Variants in EHBP1 observed in about 807,000 individuals in gnomAD.
EHBP1 encodes EH domain binding protein 1, also known as EH domain-binding protein 1.
A neutral mutation model predicts 144.0 loss-of-function variants in EHBP1; 55 were observed. The ratio of observed to expected loss-of-function variants is 0.38; its 90% CI spans 0.31 to 0.48. The LOEUF is 0.48. EHBP1 is among the 20% of genes least tolerant of loss of function. The probability of loss-of-function intolerance (pLI) is 0.98; values close to 1 mark genes in which losing one functional copy is unlikely to be tolerated. For synonymous variants in EHBP1, 469 were observed against 472.7 expected (o/e 0.99, Z 0.10); for missense variants, 1,200 against 1,364.2 (o/e 0.88, Z 1.90).
rs975096895 is a variant in EHBP1, at chr2:62,955,653, T to C, written c.2453T>C (p.Leu818Pro). The C allele has an allele frequency of 2.5e-6, 4 of 1,610,094 alleles. No homozygotes were observed. The stretch of plus-strand genomic sequence containing the variant: ...GCCACCCCATTCTGCAACAGGCAGC[T>C]AAGTGATGTGAGGAGCATTGGTTAA... Reference protein sequence around the residue: ...NTATPFCNRQLSDQQDEERRR... With the variant: ...NTATPFCNRQPSDQQDEERRR... The change falls in exon 14 of 23, where the codon CTA becomes CCA. Residue 818 changes from leucine (L) to proline (P), a missense_variant. Leu to Pro is a moderately conservative substitution (Grantham distance 98). Around this residue, in one of 6 missense-constraint regions of EHBP1, gnomAD observed 543 missense variants for 513.1 expected, o/e 1.06. Coordinates refer to ENST00000431489, the MANE Select transcript of EHBP1 (RefSeq NM_001142616.3).
chr2:62,899,210 AG>A (rs1461944734), intron 10 of EHBP1, among the ~76,000 whole-genome samples: 2 of 152,170 alleles, frequency 1.3e-5, no homozygotes, highest in African/African-American at 4.8e-5. Context: ...CAGGAGCTGA[AG>A]GGGTCTTCCC....
intron 2 of EHBP1, among the ~76,000 whole-genome samples, chr2:62,737,338 C>G (rs146432952): frequency 6.6e-6 from 1 of 152,272 alleles, no homozygotes; most frequent in African/African-American, 2.4e-5. Flanking sequence ...AGGTAAAACT[C>G]CCAAAAATGT....
rs115666756 is a variant in EHBP1 at position 62,924,705 on chromosome 2, A to T, written c.1186-18013A>T. On this transcript the variant is annotated intron_variant, in intron 10 of 22. Transcript: ENST00000431489. ...AATAAGTAAAAAGATTGAATCAGTA[A>T]TATAAAGTATTCCAACAATGTAAAG... is the stretch of plus-strand genomic sequence containing the variant. Among the ~76,000 whole-genome samples the T allele has an allele frequency of 1.9e-3, 286 of 152,352 alleles. 2 individuals are homozygous for T. In the Middle Eastern group the frequency reaches 0.027, roughly 14 times the overall value.
chr2:62,989,309 A>G (rs567957838), intron 15 of EHBP1, among the ~76,000 whole-genome samples: 3 of 152,230 alleles, frequency 2.0e-5, no homozygotes, highest in South Asian at 2.1e-4. Context: ...GAGGACATCC[A>G]TAAGTACTGG....
At chr2:62,964,677 A>G (rs1574272754) in intron 14 of EHBP1, among the ~76,000 whole-genome samples, 1 of 152,144 alleles carries the variant, frequency 6.6e-6, no homozygotes, top group East Asian at 1.9e-4. Flanking sequence ...AACAGTATTA[A>G]TTGTTTTGTA....
chr2:62,729,564 T>A (rs2037281649), intron 2 of EHBP1, among the ~76,000 whole-genome samples: 1 of 122,028 alleles, frequency 8.2e-6, no homozygotes, highest in African/African-American at 3.2e-5. Flanking sequence ...ATATATAATA[T>A]AATATAATAA....
At chr2:62,797,800 T>C (rs980611065) in intron 5 of EHBP1, among the ~76,000 whole-genome samples, 2 of 152,216 alleles carry the variant, frequency 1.3e-5, no homozygotes, top group African/African-American at 4.8e-5. Flanking sequence ...ACTTACAGCA[T>C]GTTTAAACTT....
intron 5 of EHBP1, among the ~76,000 whole-genome samples, chr2:62,798,674 T>A (rs190870161): frequency 8.8e-4 from 134 of 152,272 alleles, no homozygotes; most frequent in African/African-American, 1.8e-3. Flanking sequence ...GTGTTTTTTT[T>A]ATCTGACTTA....
chr2:63,018,557 T>G lies in EHBP1; in HGVS notation c.3104-18978T>G, dbSNP rs574492616. On this transcript the variant is annotated intron_variant, in intron 19 of 22. Coordinates refer to ENST00000431489, the MANE Select transcript of EHBP1 (RefSeq NM_001142616.3). ...CTAAGGTTCTCATTTCTAACATTTA[T>G]TTCTTCTTCTCTCCTTGGCACTCAC... is the stretch of plus-strand genomic sequence containing the variant. 5.3e-5 allele frequency among the ~76,000 whole-genome samples: 8 copies of G among 152,340 alleles called. No homozygotes were observed. The East Asian group carries it at 1.5e-3, about 29-fold the overall frequency.
chr2:62,925,385 A>T (rs924414608), intron 10 of EHBP1, among the ~76,000 whole-genome samples: 3 of 152,100 alleles, frequency 2.0e-5, no homozygotes, highest in African/African-American at 4.8e-5. Flanking sequence ...AGGCATCCAA[A>T]TTGGAAACAA....
intron 4 of EHBP1, among the ~76,000 whole-genome samples, 189 bp from the exon 5 acceptor site, chr2:62,771,150 C>T (rs1218576165): frequency 5.3e-5 from 8 of 151,940 alleles, no homozygotes; most frequent in Admixed American, 2.6e-4. Context: ...CACATATACC[C>T]CAAACCTAAA....
chr2:62,895,659 T>A (rs933624224), intron 10 of EHBP1, among the ~76,000 whole-genome samples: 1 of 152,164 alleles, frequency 6.6e-6, no homozygotes, highest in Admixed American at 6.5e-5. Context: ...ATGTGACAGA[T>A]AGAAACTGAA....
chr2:62,984,871 A>G (rs1041124121), intron 15 of EHBP1, among the ~76,000 whole-genome samples: 15 of 152,208 alleles, frequency 9.9e-5, no homozygotes, highest in Non-Finnish European at 2.2e-4. Context: ...CTAGCACTGT[A>G]TAAGTGGGTA....
intron 5 of EHBP1, among the ~76,000 whole-genome samples, chr2:62,777,196 G>A (rs190312334): frequency 6.6e-5 from 10 of 152,176 alleles, no homozygotes; most frequent in Non-Finnish European, 8.8e-5. Flanking sequence ...GTTTTGAACC[G>A]CTGAGCTCAA....
intron 14 of EHBP1, among the ~76,000 whole-genome samples, chr2:62,978,940 T>C (rs2058835752): frequency 6.6e-6 from 1 of 152,224 alleles, no homozygotes; most frequent in South Asian, 2.1e-4. Flanking sequence ...CAGTAATATG[T>C]ATTACCAAAC....
chr2:62,877,368 G>A (rs2050977801), intron 10 of EHBP1, among the ~76,000 whole-genome samples: 1 of 152,070 alleles, frequency 6.6e-6, no homozygotes, highest in South Asian at 2.1e-4. Flanking sequence ...AGTTCTTAGG[G>A]ACCTACAAAG....
intron 7 of EHBP1, among the ~76,000 whole-genome samples, chr2:62,853,617 A>G (rs1210645260): frequency 1.3e-5 from 2 of 152,230 alleles, no homozygotes; most frequent in East Asian, 3.8e-4. Context: ...CGTATCTAGA[A>G]CAGTGAATCC....
At chr2:62,751,612 C>A (rs921273384) in intron 3 of EHBP1, among the ~76,000 whole-genome samples, 2 of 152,132 alleles carry the variant, frequency 1.3e-5, no homozygotes, top group Non-Finnish European at 2.9e-5. Context: ...TCCATCTGGT[C>A]CTCGACTTTT....
rs570715468 is a variant in EHBP1 at position 62,773,850 on chromosome 2, C to CAAAAAAAAAAAAAAAAA, written c.312+2477_312+2493dup. On this transcript the variant is annotated intron_variant, in intron 5 of 22. Transcript: ENST00000431489. ...TAGGTGATACAGCAAGACTCCATCTCAAAAAAAAAAAAAAAAAAAAAAAAA... is the reference window on the plus strand; with the variant it reads ...TAGGTGATACAGCAAGACTCCATCTCAAAAAAAAAAAAAAAAAAAAAAAAAAAAAAAAAAAAAAAAAA... 2.2e-4 allele frequency among the ~76,000 whole-genome samples: 9 copies of CAAAAAAAAAAAAAAAAA among 41,540 alleles called. 1 individual carries two copies. The highest frequency in any genetic ancestry group is 2.9e-4 in the Non-Finnish European group (7 of 24,262). The allele number at this position is 41,540 out of a possible 152,430, so 27.3% of individuals were successfully genotyped here.
Sources: allele counts gnomAD v4.1 joint callset (sites outside exome capture counted in the v4.1 genomes callset), GRCh38; gene constraint gnomAD v4.1.1; regional missense constraint gnomAD v4.1.1; transcripts MANE v1.5; gene names NCBI Gene and HGNC (gene_info 2026-07-23, HGNC 2026-07-21).